TESK2: variants seen among roughly 807,000 people sequenced by gnomAD.
The protein encoded by TESK2 is dual specificity testis-specific protein kinase 2.
A neutral mutation model predicts 57.1 loss-of-function variants in TESK2; 39 were observed. The observed-to-expected ratio is 0.68, with a 90% CI of 0.53 to 0.89. TESK2 has a LOEUF of 0.89. TESK2 is among the 40% of genes least tolerant of loss of function. TESK2 has a pLI of 0.00. For missense variants in TESK2, 646 were observed against 732.1 expected, an observed-to-expected ratio of 0.88 and a Z score of 1.36; for synonymous variants, 249 against 267.9, an observed-to-expected ratio of 0.93 and a Z score of 0.69.
intron 3 of TESK2, among the ~76,000 whole-genome samples, chr1:45,411,745 T>A (rs951111264): frequency 6.6e-6 from 1 of 152,206 alleles, no homozygotes; most frequent in African/African-American, 2.4e-5. Context: ...TCAGGAAGAC[T>A]GATTTAAGTG....
chr1:45,379,280 C>T (rs539074757), intron 4 of TESK2, among the ~76,000 whole-genome samples: 64 of 152,312 alleles, frequency 4.2e-4, no homozygotes, highest in Non-Finnish European at 8.2e-4. Flanking sequence ...ATCCTTCTGC[C>T]TCAGCAGGAG....
chr1:45,461,146 C>T (rs888326683), intron 1 of TESK2, among the ~76,000 whole-genome samples: 1 of 143,114 alleles, frequency 7.0e-6, no homozygotes, highest in Non-Finnish European at 1.5e-5. Context: ...CAGGTGTGAA[C>T]TGCCCCTGGC....
chr1:45,406,212 C>A (rs559522518), intron 3 of TESK2, among the ~76,000 whole-genome samples: 10 of 152,258 alleles, frequency 6.6e-5, no homozygotes, highest in Non-Finnish European at 1.5e-4. Context: ...ACATGGACAA[C>A]AGAGCAAGAT....
chr1:45,460,582 C>CTT (rs765127931), intron 1 of TESK2, among the ~76,000 whole-genome samples: 10 of 151,838 alleles, frequency 6.6e-5, no homozygotes, highest in Non-Finnish European at 1.3e-4. Context: ...GGGCTCATTC[C>CTT]TTTAATCCAA....
chr1:45,404,586 C>T (rs1224917041), intron 3 of TESK2, among the ~76,000 whole-genome samples: 2 of 151,252 alleles, frequency 1.3e-5, no homozygotes, highest in African/African-American at 4.9e-5. Context: ...CTTGATCACC[C>T]AGGCTGGATT....
At chr1:45,459,251 T>C (rs1226217448) in intron 1 of TESK2, among the ~76,000 whole-genome samples, 1 of 152,156 alleles carries the variant, frequency 6.6e-6, no homozygotes, top group Non-Finnish European at 1.5e-5. Context: ...TTTTCTATAA[T>C]ACTGCCTGGA....
chr1:45,479,213 G>A (rs1307391877), intron 1 of TESK2, among the ~76,000 whole-genome samples: 1 of 152,044 alleles, frequency 6.6e-6, no homozygotes, highest in Non-Finnish European at 1.5e-5. Context: ...TAAATACTAT[G>A]TAATGTGAAA....
intron 3 of TESK2, among the ~76,000 whole-genome samples, chr1:45,409,489 T>C (rs1649961048): frequency 6.6e-6 from 1 of 152,196 alleles, no homozygotes; most frequent in African/African-American, 2.4e-5. Flanking sequence ...GCCTGATAGG[T>C]TAAAGCCCAG....
At chr1:45,457,986 C>T in intron 1 of TESK2, 115 bp from the exon 2 acceptor site, 2 of 545,458 alleles carry the variant, frequency 3.7e-6, no homozygotes, top group South Asian at 4.3e-5. Flanking sequence ...GTTTTCAGAT[C>T]TAAAAAATGT....
rs1019316404 is a variant in TESK2 at position 45,453,362 on chromosome 1, A to AAGAGAGAGAG, written c.222+4192_222+4201dup. Among the ~76,000 whole-genome samples the AAGAGAGAGAG allele has an allele frequency of 4.1e-5, 6 of 145,034 alleles. No homozygotes were observed. In the East Asian group the frequency reaches 1.2e-3, roughly 28 times the overall value. ...GTCTCAAAAAAAAAAAAAAAAAAAA[A>AAGAGAGAGAG]AGAGAGAGAGAGAGATAAACCCTCT... On this transcript the variant is annotated intron_variant, in intron 2 of 10. Coordinates refer to ENST00000372086, the MANE Select transcript of TESK2 (RefSeq NM_007170.3).
At chr1:45,461,048 A>G (rs371120432) in intron 1 of TESK2, among the ~76,000 whole-genome samples, 3 of 152,054 alleles carry the variant, frequency 2.0e-5, no homozygotes, top group East Asian at 1.9e-4. Flanking sequence ...TTTTGGAAAC[A>G]CAAGGTTTCA....
chr1:45,482,398 C>T (rs1236042156), intron 1 of TESK2, among the ~76,000 whole-genome samples: 1 of 151,802 alleles, frequency 6.6e-6, no homozygotes, highest in Non-Finnish European at 1.5e-5. Flanking sequence ...AGTGGTGGCA[C>T]ACACCTGTAG....
At chr1:45,350,258 G>A (rs1647212726) in intron 5 of TESK2, among the ~76,000 whole-genome samples, 1 of 152,162 alleles carries the variant, frequency 6.6e-6, no homozygotes, top group Admixed American at 6.5e-5. Context: ...TGCATTTCCT[G>A]GAAACCTACA....
chr1:45,480,901 T>A (rs905442700), intron 1 of TESK2, among the ~76,000 whole-genome samples: 5 of 151,592 alleles, frequency 3.3e-5, no homozygotes, highest in Admixed American at 3.3e-4. Context: ...GGCAGGAGAA[T>A]CACTTGAACC....
intron 2 of TESK2, among the ~76,000 whole-genome samples, chr1:45,433,099 C>T (rs1183660630): frequency 2.1e-5 from 2 of 95,602 alleles, no homozygotes; most frequent in East Asian, 3.6e-4. Context: ...TTTTTGAGAC[C>T]GAGTCTCACT....
At chr1:45,420,112 A>T (rs1425507539) in intron 3 of TESK2, among the ~76,000 whole-genome samples, 1 of 152,134 alleles carries the variant, frequency 6.6e-6, no homozygotes, top group African/African-American at 2.4e-5. Context: ...CTAAATATAC[A>T]TTGAATTAAA....
At chr1:45,379,785 G>A (rs1648574865) in intron 4 of TESK2, among the ~76,000 whole-genome samples, 1 of 152,184 alleles carries the variant, frequency 6.6e-6, no homozygotes. Context: ...TGGCTCTGTT[G>A]TAAAAAGACC....
chr1:45,403,103 G>C (rs1200841999), intron 3 of TESK2, among the ~76,000 whole-genome samples: 3 of 151,816 alleles, frequency 2.0e-5, no homozygotes, highest in Admixed American at 1.3e-4. Context: ...GGGCAACATA[G>C]GGAGACCTCA....
intron 3 of TESK2, among the ~76,000 whole-genome samples, chr1:45,388,157 G>A (rs1266141386): frequency 2.0e-5 from 3 of 152,178 alleles, no homozygotes; most frequent in Non-Finnish European, 2.9e-5. Context: ...TGGCTGCTAT[G>A]TTGAAAGTAT....
Sources: allele counts gnomAD v4.1 joint callset (sites outside exome capture counted in the v4.1 genomes callset), GRCh38; gene constraint gnomAD v4.1.1; transcripts MANE v1.5; gene names NCBI Gene and HGNC (gene_info 2026-07-23, HGNC 2026-07-21).